TENM2: variants seen among roughly 807,000 people sequenced by gnomAD.
TENM2 encodes teneurin transmembrane protein 2.
TENM2 carries 52 observed loss-of-function variants against 245.2 expected under a neutral mutation model. The observed-to-expected ratio is 0.21, with a 90% CI of 0.17 to 0.27. TENM2 has a LOEUF of 0.27. TENM2 is among the 10% of genes least tolerant of loss of function. TENM2 has a pLI of 1.00. For missense variants in TENM2, 3,046 were observed against 3,666.8 expected, an observed-to-expected ratio of 0.83 and a Z score of 4.37; for synonymous variants, 1,363 against 1,438.9, an observed-to-expected ratio of 0.95 and a Z score of 1.19.
intron 4 of TENM2, among the ~76,000 whole-genome samples, chr5:167,955,481 A>G (rs928593554): frequency 3.3e-5 from 5 of 152,142 alleles, no homozygotes; most frequent in Admixed American, 1.3e-4. Context: ...ATTAGATTCC[A>G]TTTGTCAATT....
the TENM2 span, among the ~76,000 whole-genome samples, chr5:167,054,344 C>T: frequency 6.6e-6 from 1 of 152,096 alleles, no homozygotes; most frequent in Non-Finnish European, 1.5e-5. Flanking sequence ...AAGTTTTCTC[C>T]ATGTCTCTTC....
intron 3 of TENM2, among the ~76,000 whole-genome samples, chr5:167,926,507 G>A (rs1371656457): frequency 6.6e-6 from 1 of 152,050 alleles, no homozygotes; most frequent in Non-Finnish European, 1.5e-5. Context: ...ATCACCTGAG[G>A]CCAGGAGTTC....
At chr5:167,258,713 T>C in the TENM2 span, among the ~76,000 whole-genome samples, 3 of 152,124 alleles carry the variant, frequency 2.0e-5, no homozygotes, top group African/African-American at 7.2e-5. Flanking sequence ...AAGAAACTTG[T>C]TATTTATACA....
chr5:167,885,251 T>C (rs1376423966), intron 3 of TENM2, among the ~76,000 whole-genome samples: 1 of 152,228 alleles, frequency 6.6e-6, no homozygotes. Flanking sequence ...TTTTTAATCT[T>C]GGTGTGGTCC....
chr5:167,131,281 C>G, the TENM2 span, among the ~76,000 whole-genome samples: 2 of 152,108 alleles, frequency 1.3e-5, no homozygotes, highest in Non-Finnish European at 2.9e-5. Flanking sequence ...TGCAGAAACT[C>G]AAATCAGAGT....
At chr5:167,626,599 G>A (rs1198175328) in intron 2 of TENM2, among the ~76,000 whole-genome samples, 1 of 152,162 alleles carries the variant, frequency 6.6e-6, no homozygotes, top group Non-Finnish European at 1.5e-5. Flanking sequence ...TGAGTTCTAG[G>A]GAATGGATCC....
chr5:167,192,338 A>G, the TENM2 span, among the ~76,000 whole-genome samples: 1 of 152,042 alleles, frequency 6.6e-6, no homozygotes, highest in African/African-American at 2.4e-5. Flanking sequence ...TATGTAGGGT[A>G]AGGGAATTCC....
intron 2 of TENM2, among the ~76,000 whole-genome samples, chr5:167,723,989 C>T (rs1233534186): frequency 1.3e-5 from 2 of 152,100 alleles, no homozygotes; most frequent in Non-Finnish European, 2.9e-5. Context: ...GTTCCACAGC[C>T]CTTCTGACTT....
chr5:167,061,826 G>A, the TENM2 span, among the ~76,000 whole-genome samples: 1 of 150,406 alleles, frequency 6.6e-6, no homozygotes, highest in Non-Finnish European at 1.5e-5. Flanking sequence ...AAGGAACCCT[G>A]GAGCAAAAAC....
At chr5:167,635,622 A>T (rs1023110888) in intron 2 of TENM2, among the ~76,000 whole-genome samples, 2 of 129,290 alleles carry the variant, frequency 1.5e-5, no homozygotes, top group Non-Finnish European at 1.6e-5. Flanking sequence ...TCTGGCTATG[A>T]TCAGTACAGT....
the TENM2 span, among the ~76,000 whole-genome samples, chr5:167,062,896 T>G: frequency 6.6e-6 from 1 of 152,248 alleles, no homozygotes; most frequent in Non-Finnish European, 1.5e-5. Flanking sequence ...TGGATCTGAG[T>G]ATTAGTACAG....
the TENM2 span, among the ~76,000 whole-genome samples, chr5:167,249,765 G>A: frequency 6.6e-6 from 1 of 152,234 alleles, no homozygotes; most frequent in East Asian, 1.9e-4. Flanking sequence ...AGGGATAAAT[G>A]ATGTTTGGAC....
At chr5:168,020,609 G>A (rs923731046) in intron 5 of TENM2, among the ~76,000 whole-genome samples, 1 of 152,136 alleles carries the variant, frequency 6.6e-6, no homozygotes, top group Admixed American at 6.5e-5. Flanking sequence ...AGACGGTTGC[G>A]TCTTCACCTT....
At chr5:167,457,575 A>T (rs1449468954) in intron 2 of TENM2, among the ~76,000 whole-genome samples, 3 of 151,824 alleles carry the variant, frequency 2.0e-5, no homozygotes, top group Non-Finnish European at 4.4e-5. Flanking sequence ...TCGAACTCCC[A>T]ACCTCAGGTG....
At chr5:167,644,983 G>C (rs2150263134) in intron 2 of TENM2, among the ~76,000 whole-genome samples, 1 of 152,274 alleles carries the variant, frequency 6.6e-6, no homozygotes, top group East Asian at 1.9e-4. Context: ...CTGCACACCT[G>C]TACAGCATGT....
intron 2 of TENM2, among the ~76,000 whole-genome samples, chr5:167,869,505 A>G (rs2151332506): frequency 6.6e-6 from 1 of 152,344 alleles, no homozygotes; most frequent in East Asian, 1.9e-4. Flanking sequence ...GGTATAAGCA[A>G]AATCACTGAG....
intron 9 of TENM2, 119 bp from the exon 12 acceptor site, chr5:168,118,173 C>A: frequency 1.4e-6 from 1 of 724,020 alleles, no homozygotes; most frequent in Non-Finnish European, 2.1e-6. Context: ...AGCCAGAGTC[C>A]CCAGCCTAGA....
At chr5:166,980,674 T>A in the TENM2 span, among the ~76,000 whole-genome samples, 1 of 152,102 alleles carries the variant, frequency 6.6e-6, no homozygotes, top group African/African-American at 2.4e-5. Flanking sequence ...CAGTGTATAG[T>A]TGTAAAATTT....
rs1046386812 is a variant in TENM2 at position 167,962,332 on chromosome 5, G to A, written c.947+9510G>A. Among the ~76,000 whole-genome samples, 4 of 152,072 alleles carry A rather than the reference G, an allele frequency of 2.6e-5. No homozygotes were observed. The East Asian group carries it at 7.7e-4, about 29-fold the overall frequency. On this transcript the variant is annotated intron_variant, in intron 4 of 28. Coordinates refer to ENST00000518659, the Ensembl canonical transcript of TENM2. ...ATGAGACAACATCTGAGTATTCTTTGATCCATATGTTCAAGAGCCAAGGAT... is the reference window on the plus strand; with the variant it reads ...ATGAGACAACATCTGAGTATTCTTTAATCCATATGTTCAAGAGCCAAGGAT...
Sources: allele counts gnomAD v4.1 joint callset (sites outside exome capture counted in the v4.1 genomes callset), GRCh38; gene constraint gnomAD v4.1.1; transcripts MANE v1.5; gene names NCBI Gene and HGNC (gene_info 2026-07-23, HGNC 2026-07-21).